TNFSF4: variants seen among roughly 807,000 people sequenced by gnomAD.
TNFSF4 encodes tumor necrosis factor ligand superfamily member 4.
TNFSF4 carries 4 observed loss-of-function variants against 7.3 expected under a neutral mutation model. That is an observed-to-expected ratio of 0.55 (90% CI 0.27 to 1.25). The LOEUF is 1.25. Among genes scored for constraint, TNFSF4 ranks in the 50% most tolerant of loss-of-function variants. The pLI, the probability that TNFSF4 is intolerant of heterozygous loss-of-function variation, is 0.12. For missense variants in TNFSF4, 181 were observed against 208.8 expected (o/e 0.87, Z 0.82); for synonymous variants, 76 against 83.7 (o/e 0.91, Z 0.50).
chr1:173,439,420 G>A, the TNFSF4 span, among the ~76,000 whole-genome samples: 2 of 152,240 alleles, frequency 1.3e-5, no homozygotes, highest in East Asian at 3.9e-4. Context: ...CTGCCATAGT[G>A]AGCACAGCTA....
chr1:173,414,528 C>A, the TNFSF4 span, among the ~76,000 whole-genome samples: 1 of 152,220 alleles, frequency 6.6e-6, no homozygotes, highest in Non-Finnish European at 1.5e-5. Context: ...GGTTAAAGTT[C>A]TTGTCCAAGA....
At chr1:173,358,467 G>A in the TNFSF4 span, among the ~76,000 whole-genome samples, 1 of 152,242 alleles carries the variant, frequency 6.6e-6, no homozygotes, top group Non-Finnish European at 1.5e-5. Context: ...CTGCTGCTGG[G>A]AGTATAAGTT....
At chr1:173,404,988 AT>A in the TNFSF4 span, among the ~76,000 whole-genome samples, 1 of 151,902 alleles carries the variant, frequency 6.6e-6, no homozygotes, top group Non-Finnish European at 1.5e-5. Flanking sequence ...ACCCCTATCC[AT>A]TTTACTCTGC....
the TNFSF4 span, among the ~76,000 whole-genome samples, chr1:173,385,182 C>A: frequency 1.3e-5 from 2 of 152,162 alleles, no homozygotes; most frequent in South Asian, 4.1e-4. Context: ...GTTCTTGATG[C>A]ATTTATCTCT....
At chr1:173,335,605 G>C in the TNFSF4 span, among the ~76,000 whole-genome samples, 2 of 152,134 alleles carry the variant, frequency 1.3e-5, no homozygotes, top group Non-Finnish European at 2.9e-5. Context: ...CTAAATTCGA[G>C]TAAATTCTTA....
At chr1:173,299,049 C>T in the TNFSF4 span, among the ~76,000 whole-genome samples, 2 of 151,804 alleles carry the variant, frequency 1.3e-5, no homozygotes, top group African/African-American at 4.8e-5. Flanking sequence ...AAGTACCAGT[C>T]ACTTGAGAAA....
At chr1:173,302,693 G>A in the TNFSF4 span, among the ~76,000 whole-genome samples, 1 of 151,466 alleles carries the variant, frequency 6.6e-6, no homozygotes, top group Non-Finnish European at 1.5e-5. Flanking sequence ...AACATGCTAT[G>A]AAAATAAAAC....
the TNFSF4 span, among the ~76,000 whole-genome samples, chr1:173,248,175 G>A: frequency 1.6e-4 from 24 of 151,904 alleles, no homozygotes; most frequent in Admixed American, 1.4e-3. Context: ...CTAACACTTC[G>A]AAATCCCGTC....
chr1:173,205,646 T>C, intron 1 of TNFSF4: 1 of 981,170 alleles, frequency 1.0e-6, no homozygotes, highest in Non-Finnish European at 1.2e-6. Context: ...TGCACTCAGC[T>C]GTTCTATATT....
chr1:173,249,305 C>T, the TNFSF4 span, among the ~76,000 whole-genome samples: 269 of 152,204 alleles, frequency 1.8e-3, 1 homozygote, highest in Non-Finnish European at 3.1e-3. Context: ...TTGTGAATGC[C>T]GAAAAGTTGA....
chr1:173,287,958 C>T, the TNFSF4 span, among the ~76,000 whole-genome samples: 1 of 152,140 alleles, frequency 6.6e-6, no homozygotes. Flanking sequence ...GAGGCAGTTA[C>T]ATAGTGGGAT....
the TNFSF4 span, among the ~76,000 whole-genome samples, chr1:173,315,341 A>G: frequency 1.3e-5 from 2 of 152,282 alleles, no homozygotes; most frequent in African/African-American, 4.8e-5. Flanking sequence ...AGCTGTTTAA[A>G]TAAATCAGAC....
chr1:173,180,510 A>G (rs1649036673), downstream of TNFSF4, among the ~76,000 whole-genome samples: 1 of 152,176 alleles, frequency 6.6e-6, no homozygotes, highest in Non-Finnish European at 1.5e-5. Context: ...TATGTTACAA[A>G]TTGACACCCT....
At chr1:173,426,555 C>G in the TNFSF4 span, among the ~76,000 whole-genome samples, 1 of 152,104 alleles carries the variant, frequency 6.6e-6, no homozygotes, top group African/African-American at 2.4e-5. Context: ...TTATTCTGGA[C>G]TATTCAGTGG....
At chr1:173,387,844 C>T in the TNFSF4 span, among the ~76,000 whole-genome samples, 1 of 151,938 alleles carries the variant, frequency 6.6e-6, no homozygotes, top group Non-Finnish European at 1.5e-5. Context: ...TATTTTAAAG[C>T]CATAAAATAC....
the TNFSF4 span, among the ~76,000 whole-genome samples, chr1:173,444,028 A>T: frequency 6.6e-6 from 1 of 152,226 alleles, no homozygotes. Context: ...TTGGGAAATC[A>T]GAAGAAAAGG....
chr1:173,317,952 C>T, the TNFSF4 span, among the ~76,000 whole-genome samples: 1 of 152,148 alleles, frequency 6.6e-6, no homozygotes, highest in Non-Finnish European at 1.5e-5. Flanking sequence ...ATTACAAATA[C>T]TGGTAAATGT....
chr1:173,425,833 T>C, the TNFSF4 span, among the ~76,000 whole-genome samples: 1 of 152,246 alleles, frequency 6.6e-6, no homozygotes, highest in African/African-American at 2.4e-5. Flanking sequence ...CCTGCATTCA[T>C]TCCTTGTAAA....
intron 1 of TNFSF4, among the ~76,000 whole-genome samples, chr1:173,197,871 A>G (rs1170895466): frequency 6.6e-6 from 1 of 152,200 alleles, no homozygotes; most frequent in African/African-American, 2.4e-5. Flanking sequence ...AAGAAAGTCA[A>G]TTGACCATAA....
Sources: allele counts gnomAD v4.1 joint callset (sites outside exome capture counted in the v4.1 genomes callset), GRCh38; gene constraint gnomAD v4.1.1; transcripts MANE v1.5; gene names NCBI Gene and HGNC (gene_info 2026-07-23, HGNC 2026-07-21).